The following IFT25 variants were observed in gnomAD, a reference collection of about 807,000 sequenced individuals.
The protein encoded by IFT25 is intraflagellar transport 25.
At chr1:53,913,473 T>C in the IFT25 span, among the ~76,000 whole-genome samples, 1 of 152,218 alleles carries the variant, frequency 6.6e-6, no homozygotes, top group Non-Finnish European at 1.5e-5. Context: ...TGGGGCTTGT[T>C]ATCTGCTGAA....
chr1:53,925,367 T>C, the IFT25 span, among the ~76,000 whole-genome samples: 831 of 152,024 alleles, frequency 5.5e-3, 6 homozygotes, highest in Non-Finnish European at 8.8e-3. Context: ...TTATGAAAAA[T>C]TGAAAAATAT....
chr1:53,928,578 T>G, the IFT25 span: 1 of 605,324 alleles, frequency 1.7e-6, no homozygotes, highest in Non-Finnish European at 2.9e-6. Context: ...ACATGGAAGT[T>G]ACTCTGTATG....
At chr1:53,939,688 C>G in the IFT25 span, 1 of 327,752 alleles carries the variant, frequency 3.1e-6, no homozygotes, top group South Asian at 4.1e-5. Context: ...ATAACCAGAC[C>G]TTAAAATTTA....
At chr1:53,918,915 T>C in the IFT25 span, among the ~76,000 whole-genome samples, 4 of 152,184 alleles carry the variant, frequency 2.6e-5, no homozygotes, top group Non-Finnish European at 5.9e-5. Context: ...CTCGGCTCAC[T>C]GCAACCTCTG....
At chr1:53,923,614 T>C in the IFT25 span, 2 of 300,284 alleles carry the variant, frequency 6.7e-6, no homozygotes, top group South Asian at 1.2e-4. Flanking sequence ...CAGAATCAAA[T>C]GAAAGAAAGC....
At chr1:53,926,203 T>C in the IFT25 span, among the ~76,000 whole-genome samples, 6 of 152,196 alleles carry the variant, frequency 3.9e-5, no homozygotes, top group African/African-American at 1.4e-4. Context: ...TGGAGTGTAC[T>C]GGCACAATCT....
the IFT25 span, among the ~76,000 whole-genome samples, chr1:53,927,702 C>T: frequency 6.6e-6 from 1 of 152,178 alleles, no homozygotes; most frequent in African/African-American, 2.4e-5. Flanking sequence ...CCTTTGAGCT[C>T]TAGGCCTTTC....
At chr1:53,928,377 T>A in the IFT25 span, 1 of 1,611,246 alleles carries the variant, frequency 6.2e-7, no homozygotes, top group Non-Finnish European at 8.5e-7. Context: ...CATACCTTTT[T>A]CAATCCATTG....
the IFT25 span, among the ~76,000 whole-genome samples, chr1:53,926,185 G>A: frequency 1.3e-5 from 2 of 151,448 alleles, no homozygotes; most frequent in Non-Finnish European, 2.9e-5. Context: ...TCACTCTGTC[G>A]CCTAGATTGG....
the IFT25 span, among the ~76,000 whole-genome samples, chr1:53,918,443 C>G: frequency 6.6e-6 from 1 of 152,150 alleles, no homozygotes; most frequent in Non-Finnish European, 1.5e-5. Context: ...AAAAGAACTC[C>G]GAAGGGTCTC....
chr1:53,923,709 A>G, the IFT25 span: 2 of 487,106 alleles, frequency 4.1e-6, no homozygotes, highest in East Asian at 3.4e-5. Context: ...GTCACTCTCT[A>G]TGAAAGGTAA....
At chr1:53,946,002 C>G in the IFT25 span, 11 of 144,296 alleles carry the variant, frequency 7.6e-5, no homozygotes, top group African/African-American at 2.9e-4. Context: ...GGCCTCGGCC[C>G]CTCCTACCCC....
the IFT25 span, chr1:53,929,489 T>A: frequency 6.6e-6 from 1 of 152,292 alleles, no homozygotes; most frequent in African/African-American, 2.4e-5. Context: ...TTTCCCGCCA[T>A]GATTTTGTCT....
the IFT25 span, chr1:53,940,038 C>T: frequency 1.2e-6 from 2 of 1,612,018 alleles, no homozygotes; most frequent in Non-Finnish European, 8.5e-7. Flanking sequence ...TAGCTAAAAT[C>T]ACTTCGGACC....
chr1:53,920,952 C>T, the IFT25 span, among the ~76,000 whole-genome samples: 2 of 152,082 alleles, frequency 1.3e-5, no homozygotes, highest in Non-Finnish European at 2.9e-5. Flanking sequence ...GTGGGCAGAT[C>T]GCTTGAGCTC....
chr1:53,922,332 TGCAGTGAGCAGAGATC>T, the IFT25 span, among the ~76,000 whole-genome samples: 33 of 150,826 alleles, frequency 2.2e-4, no homozygotes, highest in East Asian at 3.9e-3. Flanking sequence ...AGGCAGAGAT[TGCAGTGAGCAGAGATC>T]GCACCACTGC....
the IFT25 span, chr1:53,928,536 T>C: frequency 4.8e-6 from 4 of 840,940 alleles, no homozygotes; most frequent in South Asian, 2.9e-5. Flanking sequence ...TCATGCACAG[T>C]GGAACTACAC....
the IFT25 span, among the ~76,000 whole-genome samples, chr1:53,926,077 CAAAA>C: frequency 3.7e-5 from 2 of 54,120 alleles, no homozygotes; most frequent in African/African-American, 1.3e-4. Flanking sequence ...ACTCCAGTCT[CAAAA>C]AAAAAAAAAA....
the IFT25 span, among the ~76,000 whole-genome samples, chr1:53,933,386 G>A: frequency 9.9e-5 from 15 of 151,986 alleles, no homozygotes; most frequent in East Asian, 1.9e-4. Flanking sequence ...CGCCCGCCTC[G>A]GCCTCCCAAA....
Sources: gnomAD v4.1 joint callset for allele counts (sites outside exome capture counted in the v4.1 genomes callset) on GRCh38, gnomAD v4.1.1 for gene constraint, MANE v1.5 for transcripts, NCBI Gene and HGNC (gene_info 2026-07-23, HGNC 2026-07-21) for gene names.